PIAS1: variants seen among roughly 807,000 people sequenced by gnomAD.
PIAS1 encodes the protein protein inhibitor of activated STAT 1.
A neutral mutation model predicts 71.3 loss-of-function variants in PIAS1; 6 were observed. That is an observed-to-expected ratio of 0.08 (90% CI 0.05 to 0.17). The LOEUF (loss-of-function observed/expected upper bound fraction) is 0.17, where lower values mean the gene tolerates loss of function less well. Ranked by LOEUF, PIAS1 falls within the 10% of genes least tolerant of loss-of-function variation. The probability of loss-of-function intolerance (pLI) is 1.00; values close to 1 mark genes in which losing one functional copy is unlikely to be tolerated. For missense variants in PIAS1, 555 were observed against 793.6 expected, an observed-to-expected ratio of 0.70 and a Z score of 3.61; for synonymous variants, 303 against 292.9, an observed-to-expected ratio of 1.03 and a Z score of -0.35.
chr15:68,097,621 C>T (rs935561847), intron 2 of PIAS1, among the ~76,000 whole-genome samples: 3 of 151,958 alleles, frequency 2.0e-5, no homozygotes, highest in African/African-American at 4.8e-5. Flanking sequence ...TTATTAAATG[C>T]GGGGTTTCCC....
At chr15:68,168,885 G>A (rs2092973281) in intron 8 of PIAS1, among the ~76,000 whole-genome samples, 1 of 152,200 alleles carries the variant, frequency 6.6e-6, no homozygotes, top group Non-Finnish European at 1.5e-5. Context: ...AGGCTTGAGA[G>A]TTGCTCTCTT....
intron 8 of PIAS1, among the ~76,000 whole-genome samples, chr15:68,169,884 C>G (rs913094890): frequency 1.6e-5 from 2 of 121,222 alleles, no homozygotes; most frequent in Non-Finnish European, 3.7e-5. Flanking sequence ...CCCCATTTTA[C>G]AAAACTGAGC....
At chr15:68,098,592 C>T (rs2092397625) in intron 2 of PIAS1, among the ~76,000 whole-genome samples, 1 of 152,138 alleles carries the variant, frequency 6.6e-6, no homozygotes, top group South Asian at 2.1e-4. Context: ...TCAAAAGTTA[C>T]AAAAGGGTTT....
In PIAS1 at chr15:68,125,669, T is replaced by C. The variant is rs567599656; in HGVS notation, c.470-16277T>C. ...CATTGCCTTCTAATTATAGTGTTGT[T>C]GAAAAGTTCAAAGTTAGGCTGGTTT... On this transcript the variant is annotated intron_variant, in intron 2 of 13. Coordinates refer to ENST00000249636, the MANE Select transcript of PIAS1 (RefSeq NM_016166.3). 3.9e-5 allele frequency among the ~76,000 whole-genome samples: 6 copies of C among 152,300 alleles called. No homozygotes were observed. The South Asian group carries it at 1.2e-3, about 32-fold the overall frequency.
intron 2 of PIAS1, among the ~76,000 whole-genome samples, chr15:68,111,821 T>C (rs1423305653): frequency 6.6e-6 from 1 of 152,134 alleles, no homozygotes. Context: ...AATATGACCA[T>C]AGTACATATT....
chr15:68,056,919 GA>G (rs1188789819), intron 1 of PIAS1, among the ~76,000 whole-genome samples: 1 of 152,016 alleles, frequency 6.6e-6, no homozygotes, highest in Non-Finnish European at 1.5e-5. Flanking sequence ...AGAGTAAGAA[GA>G]AAAAAATCTA....
At chr15:68,095,278 A>C (rs967329279) in intron 2 of PIAS1, among the ~76,000 whole-genome samples, 1 of 152,056 alleles carries the variant, frequency 6.6e-6, no homozygotes, top group African/African-American at 2.4e-5. Context: ...AGCATTTCAG[A>C]ATTTAACAGC....
chr15:68,074,017 G>A (rs1031236963), intron 1 of PIAS1, among the ~76,000 whole-genome samples: 7 of 152,086 alleles, frequency 4.6e-5, no homozygotes, highest in African/African-American at 1.7e-4. Flanking sequence ...TGGCATTGAC[G>A]GGTGATTAGG....
chr15:68,073,043 T>C (rs1826265640), intron 1 of PIAS1, among the ~76,000 whole-genome samples: 1 of 152,046 alleles, frequency 6.6e-6, no homozygotes, highest in African/African-American at 2.4e-5. Flanking sequence ...TGAGATGGAG[T>C]CTTGCTCTGT....
At position 68,092,508 on chromosome 15, in the gene PIAS1, GTTC is replaced by G. The variant is rs538799588; in HGVS notation, c.469+5763_469+5765del. 2.0e-4 allele frequency among the ~76,000 whole-genome samples: 31 copies of G among 152,242 alleles called. 1 individual carries two copies. The South Asian group carries it at 3.7e-3, about 18-fold the overall frequency. ...GTTATTTCTAATGTTCTAATTCAATGTTCTTCTACTTGATTACTGAAGGATAGA... is the reference window on the plus strand; with the variant it reads ...GTTATTTCTAATGTTCTAATTCAATGTTCTACTTGATTACTGAAGGATAGA... On this transcript the variant is annotated intron_variant, in intron 2 of 13. Transcript: ENST00000249636.
chr15:68,092,539 A>G (rs1174843481), intron 2 of PIAS1, among the ~76,000 whole-genome samples: 1 of 152,224 alleles, frequency 6.6e-6, no homozygotes, highest in African/African-American at 2.4e-5. Flanking sequence ...AGGATAGAAT[A>G]TCTCCTTGCT....
chr15:68,071,267 TTC>T (rs2092093155), intron 1 of PIAS1, among the ~76,000 whole-genome samples: 1 of 98,852 alleles, frequency 1.0e-5, no homozygotes, highest in South Asian at 5.4e-4. Flanking sequence ...GTTTGCTTCA[TTC>T]TTTTTTTTTT....
intron 2 of PIAS1, among the ~76,000 whole-genome samples, chr15:68,113,623 A>T (rs1259552713): frequency 6.6e-6 from 1 of 152,124 alleles, no homozygotes; most frequent in African/African-American, 2.4e-5. Context: ...TAAGTCTACC[A>T]GGAGACCAGC....
chr15:68,162,360 C>T (rs2092929932), intron 7 of PIAS1, among the ~76,000 whole-genome samples: 1 of 152,074 alleles, frequency 6.6e-6, no homozygotes. Context: ...TTACTATGCC[C>T]ATTGCTTGCT....
At chr15:68,184,401 A>G (rs574394377) in intron 13 of PIAS1, 39 of 152,338 alleles carry the variant, frequency 2.6e-4, no homozygotes, top group African/African-American at 8.9e-4. Flanking sequence ...TGTATCAGAT[A>G]TGGAGAAACT....
intron 7 of PIAS1, among the ~76,000 whole-genome samples, chr15:68,158,025 C>CT (rs2092902581): frequency 1.3e-5 from 2 of 152,284 alleles, no homozygotes; most frequent in African/African-American, 4.8e-5. Context: ...TCCTTGACGC[C>CT]TTTTTCTATC....
At chr15:68,097,494 A>T (rs1028517079) in intron 2 of PIAS1, among the ~76,000 whole-genome samples, 1 of 152,090 alleles carries the variant, frequency 6.6e-6, no homozygotes, top group Admixed American at 6.6e-5. Flanking sequence ...GTGCAATGGC[A>T]TGATCTCAGT....
At chr15:68,094,669 C>G (rs1244537424) in intron 2 of PIAS1, among the ~76,000 whole-genome samples, 1 of 152,142 alleles carries the variant, frequency 6.6e-6, no homozygotes, top group Non-Finnish European at 1.5e-5. Context: ...GACGCAGGCT[C>G]TGATAACTAT....
chr15:68,155,977 A>C (rs140103062), intron 7 of PIAS1, among the ~76,000 whole-genome samples: 1 of 152,108 alleles, frequency 6.6e-6, no homozygotes, highest in African/African-American at 2.4e-5. Flanking sequence ...GTGCCACCAT[A>C]ATTACTTTTT....
Sources: gnomAD v4.1 joint callset for allele counts (sites outside exome capture counted in the v4.1 genomes callset) on GRCh38, gnomAD v4.1.1 for gene constraint, MANE v1.5 for transcripts, NCBI Gene and HGNC (gene_info 2026-07-23, HGNC 2026-07-21) for gene names.